The following OR2L13 variants were observed in gnomAD, a reference collection of about 807,000 sequenced individuals.
The protein encoded by OR2L13 is olfactory receptor 2L13.
In OR2L13, 14 loss-of-function variants were observed where a neutral mutation model predicts 15.3. The observed-to-expected ratio is 0.91, with a 90% CI of 0.60 to 1.43. OR2L13 has a LOEUF of 1.43. OR2L13 is among the 40% of genes most tolerant of loss of function. The pLI is 0.00. For synonymous variants in OR2L13, 152 were observed against 142.9 expected (o/e 1.06, Z -0.45); for missense variants, 367 against 387.9 (o/e 0.95, Z 0.45).
chr1:247,977,330 G>T, the OR2L13 span, among the ~76,000 whole-genome samples: 12 of 152,282 alleles, frequency 7.9e-5, no homozygotes, highest in Middle Eastern at 3.4e-3. Context: ...TCTAGAGCAT[G>T]ATTTGTGGGA....
chr1:248,085,621 A>T, the OR2L13 span, among the ~76,000 whole-genome samples: 2 of 152,040 alleles, frequency 1.3e-5, no homozygotes, highest in Non-Finnish European at 2.9e-5. Context: ...CTAAGAAAAA[A>T]AGTAAACATG....
At chr1:248,078,342 G>T in the OR2L13 span, among the ~76,000 whole-genome samples, 1 of 151,932 alleles carries the variant, frequency 6.6e-6, no homozygotes, top group African/African-American at 2.4e-5. Context: ...TTAGCTGGGC[G>T]TGGTGACGTA....
chr1:248,084,475 G>A, the OR2L13 span: 1 of 1,612,350 alleles, frequency 6.2e-7, no homozygotes, highest in South Asian at 1.1e-5. Context: ...AATCATGAGG[G>A]AATTGCCAAA....
chr1:248,084,731 C>T, the OR2L13 span: 3 of 1,333,632 alleles, frequency 2.2e-6, no homozygotes. Context: ...TTTTAGACTT[C>T]ATCTCAGACA....
At chr1:248,079,799 A>T in the OR2L13 span, among the ~76,000 whole-genome samples, 1 of 152,228 alleles carries the variant, frequency 6.6e-6, no homozygotes, top group African/African-American at 2.4e-5. Context: ...GACTATCTTT[A>T]TGACTTGGAT....
At chr1:247,992,162 C>T in the OR2L13 span, among the ~76,000 whole-genome samples, 132 of 149,406 alleles carry the variant, frequency 8.8e-4, 10 homozygotes, top group African/African-American at 3.1e-3. Context: ...ATCTTCATGA[C>T]AAACCACATT....
the OR2L13 span, among the ~76,000 whole-genome samples, chr1:248,080,193 G>C: frequency 2.0e-4 from 30 of 151,988 alleles, no homozygotes; most frequent in Non-Finnish European, 3.8e-4. Flanking sequence ...TGCATTAACT[G>C]TATTAAATAA....
At chr1:248,091,046 G>A (rs1276533300), upstream of OR2L13, among the ~76,000 whole-genome samples, 2 of 152,012 alleles carry the variant, frequency 1.3e-5, no homozygotes, top group Non-Finnish European at 2.9e-5. Flanking sequence ...GTAATGTTGA[G>A]TACTTTTTCA....
the OR2L13 span, among the ~76,000 whole-genome samples, chr1:248,066,998 C>G: frequency 6.6e-6 from 1 of 152,142 alleles, no homozygotes. Context: ...AGCATTAATT[C>G]CAGGAGAAGA....
chr1:248,098,802 A>G (rs951773278), intron 2 of OR2L13, 27 bp downstream of exon 2: 3 of 152,592 alleles, frequency 2.0e-5, no homozygotes, highest in African/African-American at 7.2e-5. Flanking sequence ...CACAGATGTT[A>G]GAAATATAGT....
the OR2L13 span, chr1:247,974,698 C>T: frequency 1.5e-4 from 34 of 230,500 alleles, no homozygotes; most frequent in African/African-American, 7.6e-4. Flanking sequence ...AACTAATTCA[C>T]TTATCTTTCT....
chr1:247,996,780 A>G, the OR2L13 span, among the ~76,000 whole-genome samples: 1 of 152,176 alleles, frequency 6.6e-6, no homozygotes, highest in South Asian at 2.1e-4. Flanking sequence ...TCTTTTGAAG[A>G]TGTGGAAACA....
chr1:248,022,346 C>T, the OR2L13 span: 10 of 1,614,028 alleles, frequency 6.2e-6, no homozygotes, highest in Non-Finnish European at 8.5e-6. Context: ...ACTATCCCAT[C>T]CGTATGAGCA....
At chr1:248,086,774 T>C in the OR2L13 span, among the ~76,000 whole-genome samples, 3 of 151,942 alleles carry the variant, frequency 2.0e-5, no homozygotes, top group East Asian at 3.8e-4. Context: ...TTAAATAGGA[T>C]ACCTGGATTT....
At chr1:247,948,696 G>C in the OR2L13 span, among the ~76,000 whole-genome samples, 1 of 152,126 alleles carries the variant, frequency 6.6e-6, no homozygotes, top group Non-Finnish European at 1.5e-5. Context: ...TTTATCAGAA[G>C]TATGTATAGA....
At chr1:248,042,307 A>G in the OR2L13 span, 1 of 139,898 alleles carries the variant, frequency 7.1e-6, no homozygotes, top group South Asian at 2.2e-4. Flanking sequence ...TTGAACAATG[A>G]GAACACATGG....
chr1:248,055,641 C>T, the OR2L13 span, among the ~76,000 whole-genome samples: 1 of 152,164 alleles, frequency 6.6e-6, no homozygotes, highest in African/African-American at 2.4e-5. Context: ...CCTGTTGTTC[C>T]AGCTACTCTG....
the OR2L13 span, chr1:248,061,410 C>A: frequency 3.0e-5 from 48 of 1,614,018 alleles, no homozygotes; most frequent in African/African-American, 8.0e-5. Context: ...GCAGCACCCA[C>A]CTCACTGTAG....
the OR2L13 span, among the ~76,000 whole-genome samples, chr1:248,045,632 G>C: frequency 6.6e-6 from 1 of 152,186 alleles, no homozygotes; most frequent in African/African-American, 2.4e-5. Context: ...AATCACGGTT[G>C]TAAACTTAAG....
Sources: allele counts gnomAD v4.1 joint callset (sites outside exome capture counted in the v4.1 genomes callset), GRCh38; gene constraint gnomAD v4.1.1; transcripts MANE v1.5; gene names NCBI Gene and HGNC (gene_info 2026-07-23, HGNC 2026-07-21).